TPRG1: variants seen among roughly 807,000 people sequenced by gnomAD.
TPRG1 encodes the protein tumor protein p63 regulated 1.
In TPRG1, 29 loss-of-function variants were observed where a neutral mutation model predicts 29.3. The ratio of observed to expected loss-of-function variants is 0.99; its 90% CI spans 0.74 to 1.35. TPRG1 has a LOEUF of 1.35. Ranked by LOEUF, TPRG1 falls within the 40% of genes most tolerant of loss-of-function variation. The pLI is 0.00. For missense variants in TPRG1, 327 were observed against 335.0 expected (o/e 0.98, Z 0.19); for synonymous variants, 130 against 116.8 (o/e 1.11, Z -0.73).
intron 4 of TPRG1, among the ~76,000 whole-genome samples, chr3:189,037,182 ATT>A (rs1714325211): frequency 1.3e-5 from 2 of 151,882 alleles, no homozygotes; most frequent in South Asian, 4.1e-4. Context: ...TGATAAAAAT[ATT>A]GTCTATAAAA....
chr3:189,180,537 G>T (rs558867184), intron 1 of TPRG1, among the ~76,000 whole-genome samples: 21 of 152,212 alleles, frequency 1.4e-4, no homozygotes, highest in African/African-American at 4.6e-4. Context: ...AATCAAGCAG[G>T]GCACTCTACT....
At position 189,052,609 on chromosome 3, in the gene TPRG1, G is replaced by T. The variant is rs545178954; in HGVS notation, c.-463+28663G>T. Among the ~76,000 whole-genome samples the T allele has an allele frequency of 4.6e-5, 7 of 152,254 alleles. No individual in the cohort carries two copies. In the South Asian group the frequency reaches 1.2e-3, roughly 27 times the overall value. ...CTACTGGGTATCTACCAGAGGAAAA[G>T]AAGTCATTATTCGAAAAAGATACTT... On this transcript the variant is annotated intron_variant, in intron 4 of 10. Coordinates refer to the TPRG1 transcript ENST00000433971.
chr3:189,176,330 G>A (rs2108679432), intron 1 of TPRG1, among the ~76,000 whole-genome samples: 1 of 152,230 alleles, frequency 6.6e-6, no homozygotes, highest in Non-Finnish European at 1.5e-5. Flanking sequence ...TTGAACAATG[G>A]TTCAATTCAA....
chr3:189,002,964 T>A (rs1712103992), intron 2 of TPRG1, among the ~76,000 whole-genome samples: 1 of 152,176 alleles, frequency 6.6e-6, no homozygotes, highest in Admixed American at 6.5e-5. Flanking sequence ...ACACCTAGCT[T>A]ATATATAGTA....
chr3:189,113,170 C>T (rs1229584880), intron 1 of TPRG1, among the ~76,000 whole-genome samples: 1 of 152,158 alleles, frequency 6.6e-6, no homozygotes, highest in Non-Finnish European at 1.5e-5. Flanking sequence ...TGATTTGGCT[C>T]TCTGTTTGTC....
chr3:189,224,645 G>A (rs1189098332), intron 3 of TPRG1, among the ~76,000 whole-genome samples: 1 of 152,226 alleles, frequency 6.6e-6, no homozygotes, highest in Non-Finnish European at 1.5e-5. Flanking sequence ...AGGAATGAAT[G>A]AGAACGTAAA....
chr3:189,224,902 G>A (rs992766422), intron 3 of TPRG1, among the ~76,000 whole-genome samples: 3 of 151,564 alleles, frequency 2.0e-5, no homozygotes, highest in Non-Finnish European at 4.4e-5. Flanking sequence ...CCCTTCATGA[G>A]AGCCACCTAT....
chr3:189,308,166 A>G (rs1560682031), intron 4 of TPRG1, among the ~76,000 whole-genome samples: 1 of 151,644 alleles, frequency 6.6e-6, no homozygotes, highest in Admixed American at 6.6e-5. Flanking sequence ...ATGGGAAGAC[A>G]TATTCAGAAG....
intron 4 of TPRG1, among the ~76,000 whole-genome samples, chr3:189,259,586 A>C (rs1376485842): frequency 6.8e-6 from 1 of 147,994 alleles, no homozygotes; most frequent in Non-Finnish European, 1.5e-5. Flanking sequence ...CTCCTGCCTC[A>C]GCCTCCCAAG....
chr3:189,284,286 G>C (rs575110037), intron 4 of TPRG1, among the ~76,000 whole-genome samples: 1 of 151,282 alleles, frequency 6.6e-6, no homozygotes, highest in Non-Finnish European at 1.5e-5. Flanking sequence ...GTGCCATGTC[G>C]GTGTCCTGCA....
At chr3:189,062,970 A>G (rs919269564) in intron 4 of TPRG1, among the ~76,000 whole-genome samples, 8 of 152,090 alleles carry the variant, frequency 5.3e-5, no homozygotes, top group African/African-American at 1.9e-4. Flanking sequence ...AAAGAAAGAG[A>G]TTGGTAGAGT....
At chr3:189,265,671 G>A (rs1290198307) in intron 4 of TPRG1, among the ~76,000 whole-genome samples, 1 of 152,140 alleles carries the variant, frequency 6.6e-6, no homozygotes, top group Non-Finnish European at 1.5e-5. Flanking sequence ...CTGCTTAAAA[G>A]ACTCCTTAAA....
At chr3:189,178,380 T>C (rs1729771209) in intron 1 of TPRG1, among the ~76,000 whole-genome samples, 1 of 152,030 alleles carries the variant, frequency 6.6e-6, no homozygotes, top group Non-Finnish European at 1.5e-5. Flanking sequence ...AATACAAAAA[T>C]TAGCTAGGCA....
At chr3:189,134,046 T>C (rs1005132246) in intron 3 of TPRG1, among the ~76,000 whole-genome samples, 4 of 152,132 alleles carry the variant, frequency 2.6e-5, no homozygotes, top group African/African-American at 4.8e-5. Flanking sequence ...TGAATACACA[T>C]GTTAGCTATT....
intron 5 of TPRG1, among the ~76,000 whole-genome samples, chr3:189,159,887 C>G (rs1312009735): frequency 7.2e-6 from 1 of 139,100 alleles, no homozygotes; most frequent in Non-Finnish European, 1.6e-5. Context: ...GGTAGGGGTT[C>G]ACGAGCTGCA....
At chr3:189,036,916 T>A (rs373564571) in intron 4 of TPRG1, among the ~76,000 whole-genome samples, 3 of 151,702 alleles carry the variant, frequency 2.0e-5, no homozygotes, top group East Asian at 3.9e-4. Flanking sequence ...ATAAAAAATT[T>A]GAAAGGTCTA....
At chr3:189,163,157 C>T (rs970366501) in intron 5 of TPRG1, among the ~76,000 whole-genome samples, 1 of 152,096 alleles carries the variant, frequency 6.6e-6, no homozygotes, top group African/African-American at 2.4e-5. Context: ...CCTGTAATCC[C>T]AGCTACTTGG....
intron 1 of TPRG1, among the ~76,000 whole-genome samples, chr3:189,203,991 A>AGAT (rs1733902013): frequency 6.9e-6 from 1 of 145,162 alleles, no homozygotes; most frequent in Non-Finnish European, 1.5e-5. Context: ...CAGTGAGCCT[A>AGAT]GATCGTGCCA....
At chr3:189,119,610 A>G (rs1721587904) in intron 1 of TPRG1, among the ~76,000 whole-genome samples, 4 of 152,094 alleles carry the variant, frequency 2.6e-5, no homozygotes, top group Admixed American at 2.6e-4. Flanking sequence ...AGAGGCAGTT[A>G]CCCCTATGCT....
Sources: allele counts gnomAD v4.1 joint callset (sites outside exome capture counted in the v4.1 genomes callset), GRCh38; gene constraint gnomAD v4.1.1; transcripts MANE v1.5; gene names NCBI Gene and HGNC (gene_info 2026-07-23, HGNC 2026-07-21).